The following RHOD variants were observed in gnomAD, a reference collection of about 807,000 sequenced individuals.
RHOD encodes rho-related GTP-binding protein RhoD.
Under a neutral mutation model 16.7 loss-of-function variants are expected in RHOD, and 11 were observed. The observed-to-expected ratio is 0.66, with a 90% confidence interval of 0.41 to 1.09. The LOEUF is 1.09. Ranked by LOEUF, RHOD falls within the 50% of genes least tolerant of loss-of-function variation. The pLI is 0.00. For missense variants in RHOD, 271 were observed against 291.7 expected, an observed-to-expected ratio of 0.93 and a Z score of 0.52; for synonymous variants, 124 against 126.3, an observed-to-expected ratio of 0.98 and a Z score of 0.12.
intron 4 of RHOD, 36 bp from the exon 5 acceptor site, chr11:67,071,399 C>A (rs753122578): frequency 1.9e-6 from 3 of 1,543,832 alleles, no homozygotes; most frequent in Non-Finnish European, 2.6e-6. Context: ...TGCCCAGTGC[C>A]CCCTTCACCG....
chr11:67,071,843 C>T lies in RHOD; in HGVS notation c.*241C>T. On this transcript the variant is annotated 3_prime_UTR_variant, in exon 5 of 5. Coordinates refer to ENST00000308831, the MANE Select transcript of RHOD (RefSeq NM_014578.4). Reference sequence around the variant, plus strand: ...AGAATCACTCGCTAACCCCTATGCCCGGTCCCGGACCGACATCCTGGAGCC... The same window carrying T: ...AGAATCACTCGCTAACCCCTATGCCTGGTCCCGGACCGACATCCTGGAGCC... 1 of 442,304 alleles carries T rather than the reference C, an allele frequency of 2.3e-6. No homozygotes were observed. The highest frequency in any genetic ancestry group is 2.0e-5 in the African/African-American group (1 of 49,154). The allele number at this position is 442,304 out of a possible 1,614,324, so 27.4% of individuals were successfully genotyped here.
intron 1 of RHOD, among the ~76,000 whole-genome samples, chr11:67,060,907 C>G (rs1854878695): frequency 6.6e-6 from 1 of 152,226 alleles, no homozygotes; most frequent in Non-Finnish European, 1.5e-5. Context: ...AGCTCAGATG[C>G]AAGGGCACCA....
chr11:67,057,031 CG>C lies in RHOD; in HGVS notation c.130del (p.Glu44ArgfsTer17). 1 of 1,479,766 alleles carries C rather than the reference CG, an allele frequency of 6.8e-7. No individual in the cohort carries two copies. The highest frequency in any genetic ancestry group is 1.3e-5 in the South Asian group (1 of 74,904). The allele number at this position is 1,479,766 out of a possible 1,614,324, so 91.7% of individuals were successfully genotyped here. On this transcript the variant is annotated frameshift_variant and splice_region_variant, in exon 1 of 5. Coordinates refer to ENST00000308831, the MANE Select transcript of RHOD (RefSeq NM_014578.4). LOFTEE classifies it high-confidence loss of function. The stretch of plus-strand genomic sequence containing the variant: ...TGGTCTTCGCCGATGGGGCCTTCCC[CG>C]AGGTGAGTGCCCCGCGCCTCCGCCT... Reference protein sequence around the residue: ...LMVFADGAFPESYTPTVFERY... With the variant: ...LMVFADGAFPXSYTPTVFERY...
chr11:67,060,188 T>G (rs1230995834), intron 1 of RHOD, among the ~76,000 whole-genome samples: 1 of 152,206 alleles, frequency 6.6e-6, no homozygotes, highest in African/African-American at 2.4e-5. Flanking sequence ...TGGTTCGCAC[T>G]TGGACTCCCA....
At chr11:67,070,351 A>G in intron 3 of RHOD, 74 bp from the exon 4 acceptor site, 1 of 1,489,992 alleles carries the variant, frequency 6.7e-7, no homozygotes, top group Non-Finnish European at 9.4e-7. Context: ...GGAGCAAGAG[A>G]GTGGTCCACT....
intron 3 of RHOD, among the ~76,000 whole-genome samples, chr11:67,067,956 C>T (rs559983457): frequency 1.6e-3 from 249 of 152,262 alleles, no homozygotes; most frequent in African/African-American, 5.9e-3. Context: ...CCCGCCACCA[C>T]GCCCGGCTAA....
At chr11:67,061,620 G>A (rs1370755032) in intron 1 of RHOD, among the ~76,000 whole-genome samples, 5 of 127,568 alleles carry the variant, frequency 3.9e-5, no homozygotes, top group East Asian at 2.3e-4. Flanking sequence ...CAACAAGAGC[G>A]AAACTCTGTC....
intron 3 of RHOD, 35 bp downstream of exon 3, chr11:67,066,882 T>G: frequency 1.4e-6 from 2 of 1,381,926 alleles, no homozygotes; most frequent in Non-Finnish European, 2.1e-6. Flanking sequence ...ATAGCCCCCA[T>G]AGCCAGGCCA....
At position 67,070,448 on chromosome 11, in the gene RHOD, C is replaced by T. The variant is rs1221663165; in HGVS notation, c.354C>T (p.Phe118=). 6.2e-7 allele frequency: 1 copy of T among 1,613,992 alleles called. No individual in the cohort carries two copies. The highest frequency in any genetic ancestry group is 8.5e-7 in the Non-Finnish European group (1 of 1,179,978). ...AGTGGTACCCAGAAGTGAATCATTTCTGCAAGAAGGTACCCATCATCGTCG... is the reference window on the plus strand; with the variant it reads ...AGTGGTACCCAGAAGTGAATCATTTTTGCAAGAAGGTACCCATCATCGTCG... ...FNRWYPEVNH[F]CKKVPIIVVG... The change falls in exon 4 of 5, where the codon TTC becomes TTT. Residue 118 remains phenylalanine (F), a synonymous_variant. Coordinates refer to ENST00000308831, the MANE Select transcript of RHOD (RefSeq NM_014578.4).
intron 1 of RHOD, among the ~76,000 whole-genome samples, chr11:67,065,281 G>T (rs975420001): frequency 6.6e-6 from 1 of 152,122 alleles, no homozygotes; most frequent in African/African-American, 2.4e-5. Context: ...TCACCATGTT[G>T]GTCAGCCTGG....
rs1010435255 is a variant in RHOD at position 67,071,895 on chromosome 11, G to C, written c.*293G>C. On this transcript the variant is annotated 3_prime_UTR_variant, in exon 5 of 5. Transcript: ENST00000308831. ...CCTGTGCAGCCTGATGCCCCCTCGT[G>C]GCTGCTCCCAGGGCTGCACCTGCCA... 2.6e-6 allele frequency: 1 copy of C among 380,944 alleles called. No homozygotes were observed. The highest frequency in any genetic ancestry group is 2.1e-5 in the African/African-American group (1 of 48,064). 23.6% of individuals were successfully genotyped at this position (380,944 alleles called of 1,614,324 possible).
intron 3 of RHOD, among the ~76,000 whole-genome samples, chr11:67,069,128 C>T (rs1387606456): frequency 2.0e-5 from 3 of 151,480 alleles, no homozygotes; most frequent in Admixed American, 6.6e-5. Flanking sequence ...CCACCAAGCC[C>T]GGCTGATGCC....
Position 67,056,940 on chromosome 11 carries a change from C to G in RHOD, c.38C>G (p.Pro13Arg), listed in dbSNP as rs544639842. The G allele has an allele frequency of 4.7e-6, 7 of 1,483,076 alleles. No homozygotes were observed. The East Asian group carries it at 1.5e-4, about 31-fold the overall frequency. 91.9% of individuals were successfully genotyped at this position (1,483,076 alleles called of 1,614,324 possible). Residue 13 changes from proline to arginine, a missense_variant, in exon 1 of 5, where the codon CCA (proline) becomes CGA (arginine). Pro to Arg is a moderately radical substitution (Grantham distance 103, BLOSUM62 -2). Coordinates refer to ENST00000308831, the MANE Select transcript of RHOD (RefSeq NM_014578.4). ...AAQAAGEEAP[P>R]GVRSVKVVLV... ...CAGGCCGCGGGTGAGGAGGCGCCAC[C>G]AGGCGTGCGGTCCGTCAAGGTGGTC...
chr11:67,065,136 C>T (rs544501663), intron 1 of RHOD, among the ~76,000 whole-genome samples: 1 of 151,164 alleles, frequency 6.6e-6, no homozygotes, highest in East Asian at 2.0e-4. Context: ...AATGCAATGG[C>T]GCGATCTCAG....
intron 1 of RHOD, 48 bp from the exon 2 acceptor site, chr11:67,065,847 TG>T: frequency 7.8e-7 from 1 of 1,286,798 alleles, no homozygotes. Flanking sequence ...AAGTCCCCAG[TG>T]CCTCTCCGAA....
At chr11:67,063,490 CTTTTTTT>C (rs1233216193) in intron 1 of RHOD, among the ~76,000 whole-genome samples, 3 of 125,136 alleles carry the variant, frequency 2.4e-5, no homozygotes, top group African/African-American at 6.3e-5. Context: ...GAGACCCTAT[CTTTTTTT>C]TTTTTTTTTT....
chr11:67,067,796 T>A (rs992296932), intron 3 of RHOD, among the ~76,000 whole-genome samples: 2 of 59,796 alleles, frequency 3.3e-5, no homozygotes, highest in Non-Finnish European at 7.2e-5. Flanking sequence ...GAGGAGTTTT[T>A]TTGTTTGTTT....
chr11:67,070,038 G>T (rs1254248676), intron 3 of RHOD, among the ~76,000 whole-genome samples: 1 of 152,104 alleles, frequency 6.6e-6, no homozygotes. Context: ...GTTTTGCTCA[G>T]TTTGGTGGGT....
chr11:67,058,320 C>T (rs1429071389), intron 1 of RHOD, among the ~76,000 whole-genome samples: 3 of 152,176 alleles, frequency 2.0e-5, no homozygotes, highest in African/African-American at 7.2e-5. Flanking sequence ...GGACTACAGG[C>T]GCGTGCCACC....
Sources: allele counts gnomAD v4.1 joint callset (sites outside exome capture counted in the v4.1 genomes callset), GRCh38; gene constraint gnomAD v4.1.1; transcripts MANE v1.5; gene names NCBI Gene and HGNC (gene_info 2026-07-23, HGNC 2026-07-21).